The following ETV6 variants were observed in gnomAD, a reference collection of about 807,000 sequenced individuals.
The protein encoded by ETV6 is ETS variant transcription factor 6, also known as transcription factor ETV6.
Under a neutral mutation model 51.1 loss-of-function variants are expected in ETV6, and 16 were observed. That is an observed-to-expected ratio of 0.31 (90% CI 0.21 to 0.48). ETV6 has a LOEUF of 0.48. Ranked by LOEUF, ETV6 falls within the 20% of genes least tolerant of loss-of-function variation. ETV6 has a pLI of 0.99. For missense variants in ETV6, 458 were observed against 594.8 expected (o/e 0.77, Z 2.39); for synonymous variants, 240 against 224.1 (o/e 1.07, Z -0.64).
chr12:11,662,619 T>C (rs1002293180), intron 1 of ETV6, among the ~76,000 whole-genome samples: 1 of 152,226 alleles, frequency 6.6e-6, no homozygotes, highest in African/African-American at 2.4e-5. Context: ...GTCTTCTGCC[T>C]CTTGGTTGGC....
chr12:11,858,163 A>G (rs974653739), intron 4 of ETV6, among the ~76,000 whole-genome samples: 5 of 152,034 alleles, frequency 3.3e-5, no homozygotes, highest in African/African-American at 1.2e-4. Flanking sequence ...GACTGTTGTG[A>G]CTCATTTTAT....
At chr12:11,698,785 A>G (rs1243496584) in intron 1 of ETV6, among the ~76,000 whole-genome samples, 1 of 152,244 alleles carries the variant, frequency 6.6e-6, no homozygotes, top group Non-Finnish European at 1.5e-5. Flanking sequence ...ATTGATGAAT[A>G]ACAATTTATT....
chr12:11,793,607 G>A (rs1945636162), intron 2 of ETV6, among the ~76,000 whole-genome samples: 1 of 152,208 alleles, frequency 6.6e-6, no homozygotes, highest in South Asian at 2.1e-4. Flanking sequence ...ACCACTATCA[G>A]CTAGGATTCA....
intron 1 of ETV6, among the ~76,000 whole-genome samples, chr12:11,709,417 T>C (rs1865133327): frequency 6.6e-6 from 1 of 152,190 alleles, no homozygotes; most frequent in Non-Finnish European, 1.5e-5. Context: ...TTGTGCAGGC[T>C]GGTCTGGAAC....
chr12:11,799,757 G>A (rs546880578), intron 2 of ETV6, among the ~76,000 whole-genome samples: 3 of 152,210 alleles, frequency 2.0e-5, no homozygotes, highest in South Asian at 2.1e-4. Flanking sequence ...ATGTGTGTGC[G>A]TGTGTGTGTT....
intron 2 of ETV6, among the ~76,000 whole-genome samples, chr12:11,805,094 G>T (rs2136409322): frequency 6.6e-6 from 1 of 152,314 alleles, no homozygotes; most frequent in African/African-American, 2.4e-5. Flanking sequence ...AGGTTGCTGG[G>T]CTGGGGGAGG....
rs2136595083 is a variant in ETV6, at chr12:11,884,437, C to T, written c.1010-8C>T. The T allele has an allele frequency of 6.2e-7, 1 of 1,614,124 alleles. No individual in the cohort carries two copies. ...TCAACAGTGTTTTCTTGCCCTTTTC[C>T]TCTGTAGACTGTAGACTGCTTTGGG... is the stretch of plus-strand genomic sequence containing the variant. On this transcript the variant is annotated splice_region_variant and splice_polypyrimidine_tract_variant and intron_variant, in intron 5 of 7. Transcript: ENST00000396373.
chr12:11,849,547 C>T (rs1232543808), intron 3 of ETV6, among the ~76,000 whole-genome samples: 1 of 152,214 alleles, frequency 6.6e-6, no homozygotes, highest in Non-Finnish European at 1.5e-5. Context: ...GGGCTGTCTT[C>T]ATTTACTTAG....
chr12:11,689,110 C>T (rs1012155151), intron 1 of ETV6, among the ~76,000 whole-genome samples: 6 of 123,372 alleles, frequency 4.9e-5, no homozygotes, highest in Admixed American at 1.2e-4. Context: ...AAAGGAGGCC[C>T]AGGACTCAGC....
At chr12:11,860,220 G>A (rs764322151) in intron 4 of ETV6, among the ~76,000 whole-genome samples, 1 of 152,194 alleles carries the variant, frequency 6.6e-6, no homozygotes, top group South Asian at 2.1e-4. Context: ...CCTGTCACTG[G>A]TTGTAAACCC....
intron 1 of ETV6, among the ~76,000 whole-genome samples, chr12:11,748,264 C>T (rs774640879): frequency 6.6e-6 from 1 of 152,196 alleles, no homozygotes; most frequent in Non-Finnish European, 1.5e-5. Flanking sequence ...TCAAACTAGG[C>T]TTCAGAAGCC....
chr12:11,677,543 T>C (rs1864444422), intron 1 of ETV6, among the ~76,000 whole-genome samples: 1 of 152,242 alleles, frequency 6.6e-6, no homozygotes, highest in Admixed American at 6.5e-5. Context: ...TTACTTTTAC[T>C]AGGACAGAGC....
rs527942534 is a variant in ETV6, at chr12:11,783,522, G to A, written c.163+30943G>A. Among the ~76,000 whole-genome samples, 5 of 152,244 alleles carry A rather than the reference G, an allele frequency of 3.3e-5. No individual in the cohort carries two copies. In the South Asian group the frequency reaches 6.2e-4, roughly 19 times the overall value. ...AAGATAGGATCTGGAAGGCAACAGC[G>A]GGTGAAGGGAGGTTTTTGCTTTTGT... On this transcript the variant is annotated intron_variant, in intron 2 of 7. Coordinates refer to ENST00000396373, the MANE Select transcript of ETV6 (RefSeq NM_001987.5).
At chr12:11,762,391 T>G (rs1945099884) in intron 2 of ETV6, among the ~76,000 whole-genome samples, 1 of 152,232 alleles carries the variant, frequency 6.6e-6, no homozygotes, top group Non-Finnish European at 1.5e-5. Flanking sequence ...GTGTTTGCCT[T>G]TCCTGTAACC....
intron 1 of ETV6, among the ~76,000 whole-genome samples, chr12:11,727,909 T>C (rs1865520333): frequency 6.6e-6 from 1 of 152,084 alleles, no homozygotes; most frequent in African/African-American, 2.4e-5. Flanking sequence ...ACCCTCTACC[T>C]CCCGGGCTCA....
chr12:11,840,871 G>T (rs1246557973), intron 3 of ETV6: 2 of 173,218 alleles, frequency 1.2e-5, no homozygotes, highest in Non-Finnish European at 2.5e-5. Context: ...ATCCTAAATA[G>T]TTCTTTTGAA....
At chr12:11,680,590 A>T (rs1271880399) in intron 1 of ETV6, among the ~76,000 whole-genome samples, 2 of 152,220 alleles carry the variant, frequency 1.3e-5, no homozygotes, top group Non-Finnish European at 2.9e-5. Context: ...TTAAAGACTC[A>T]TGTGAGGGGA....
chr12:11,751,487 CA>C, intron 1 of ETV6: 1 of 516,654 alleles, frequency 1.9e-6, no homozygotes, highest in Non-Finnish European at 3.9e-6. Context: ...ACCTAGTTGG[CA>C]TGTTGATCTA....
At chr12:11,829,391 C>A (rs558050802) in intron 2 of ETV6, among the ~76,000 whole-genome samples, 50 of 152,252 alleles carry the variant, frequency 3.3e-4, no homozygotes, top group African/African-American at 1.2e-3. Context: ...TCCATCTTAC[C>A]GCTGGAGAAA....
Sources: allele counts gnomAD v4.1 joint callset (sites outside exome capture counted in the v4.1 genomes callset), GRCh38; gene constraint gnomAD v4.1.1; transcripts MANE v1.5; gene names NCBI Gene and HGNC (gene_info 2026-07-23, HGNC 2026-07-21).